Variants in CCDC7 observed in about 807,000 individuals in gnomAD.
The protein encoded by CCDC7 is coiled-coil domain-containing protein 7.
Under a neutral mutation model 196.9 loss-of-function variants are expected in CCDC7, and 183 were observed. The observed-to-expected ratio is 0.93, with a 90% confidence interval of 0.82 to 1.05. The LOEUF (loss-of-function observed/expected upper bound fraction) is 1.05. Among genes scored for constraint, CCDC7 ranks in the 50% least tolerant of loss-of-function variants. CCDC7 has a pLI of 0.00. For missense variants in CCDC7, 1,540 were observed against 1,482.2 expected, an observed-to-expected ratio of 1.04 and a Z score of -0.64; for synonymous variants, 525 against 484.6, an observed-to-expected ratio of 1.08 and a Z score of -1.10.
chr10:32,504,254 C>T (rs190729491), intron 9 of CCDC7, among the ~76,000 whole-genome samples: 117 of 151,284 alleles, frequency 7.7e-4, no homozygotes, highest in Non-Finnish European at 4.0e-4. Context: ...GTAGCTGAGA[C>T]TACAGGTGCC....
intron 18 of CCDC7, among the ~76,000 whole-genome samples, chr10:32,614,096 T>C (rs1234466787): frequency 6.6e-6 from 1 of 152,176 alleles, no homozygotes; most frequent in Non-Finnish European, 1.5e-5. Flanking sequence ...GTTCCTGTAT[T>C]GGGTGAATAT....
chr10:32,454,214 G>T (rs1399346579), intron 2 of CCDC7, among the ~76,000 whole-genome samples: 1 of 152,160 alleles, frequency 6.6e-6, no homozygotes, highest in Non-Finnish European at 1.5e-5. Context: ...GACTGCAAAG[G>T]AGTACAGTGA....
At chr10:32,444,080 T>C (rs2030468970), upstream of CCDC7, among the ~76,000 whole-genome samples, 2 of 152,216 alleles carry the variant, frequency 1.3e-5, no homozygotes, top group Non-Finnish European at 2.9e-5. Flanking sequence ...TATGCCTTTA[T>C]TTCTTTTTCT....
chr10:32,784,335 G>C (rs921497072), intron 29 of CCDC7, among the ~76,000 whole-genome samples: 2 of 152,024 alleles, frequency 1.3e-5, no homozygotes, highest in African/African-American at 4.8e-5. Context: ...CAGGTATTAA[G>C]CCTGGCATGC....
At chr10:32,751,333 C>G (rs191625085) in intron 28 of CCDC7, among the ~76,000 whole-genome samples, 7 of 151,986 alleles carry the variant, frequency 4.6e-5, no homozygotes, top group African/African-American at 1.7e-4. Context: ...TTATTGAGAT[C>G]AAGCCAGTAC....
At position 32,823,286 on chromosome 10, in the gene CCDC7, C is replaced by T. The variant is rs1026831169; in HGVS notation, c.3182-1232C>T. On this transcript the variant is annotated intron_variant, in intron 31 of 41. Transcript: ENST00000639629. ...GCCTCCTAAGTAGCTGGGACTAAGG[C>T]GCACGCCACCACGCCCTGCTAATTT... 9.9e-5 allele frequency among the ~76,000 whole-genome samples: 15 copies of T among 152,016 alleles called. No homozygotes were observed. In the East Asian group the frequency reaches 2.1e-3, roughly 22 times the overall value.
At chr10:32,784,169 T>G (rs970582247) in intron 29 of CCDC7, among the ~76,000 whole-genome samples, 2 of 152,206 alleles carry the variant, frequency 1.3e-5, no homozygotes, top group Admixed American at 1.3e-4. Flanking sequence ...ACAATAAAAA[T>G]GAAGGTATTC....
At chr10:32,639,465 T>A (rs994636584) in intron 20 of CCDC7, among the ~76,000 whole-genome samples, 1 of 152,226 alleles carries the variant, frequency 6.6e-6, no homozygotes, top group Non-Finnish European at 1.5e-5. Context: ...AAGAACATCT[T>A]TAATTTTGGC....
upstream of CCDC7, among the ~76,000 whole-genome samples, chr10:32,445,334 T>C (rs1056502120): frequency 6.6e-6 from 1 of 152,196 alleles, no homozygotes; most frequent in African/African-American, 2.4e-5. Flanking sequence ...TTGTGAGGCA[T>C]TCAGATTTTA....
intron 28 of CCDC7, among the ~76,000 whole-genome samples, chr10:32,755,941 C>T (rs183820296): frequency 4.5e-4 from 69 of 152,044 alleles, no homozygotes; most frequent in Non-Finnish European, 7.4e-4. Flanking sequence ...AACCATGGCA[C>T]GAGAACTATG....
intron 37 of CCDC7, among the ~76,000 whole-genome samples, chr10:32,847,549 T>C (rs535806932): frequency 6.6e-6 from 1 of 151,938 alleles, no homozygotes; most frequent in East Asian, 1.9e-4. Flanking sequence ...ACCCTATCTC[T>C]ACAAAAAATA....
chr10:32,805,835 T>C (rs2085717261), intron 30 of CCDC7, among the ~76,000 whole-genome samples: 1 of 152,190 alleles, frequency 6.6e-6, no homozygotes, highest in South Asian at 2.1e-4. Context: ...TATAAAGGAA[T>C]ACCTGAGACT....
At chr10:32,597,772 G>A (rs918492287) in intron 18 of CCDC7, among the ~76,000 whole-genome samples, 2 of 152,194 alleles carry the variant, frequency 1.3e-5, no homozygotes, top group African/African-American at 2.4e-5. Flanking sequence ...GTCTCTTGGG[G>A]TGTGCTGGCG....
intron 21 of CCDC7, among the ~76,000 whole-genome samples, chr10:32,671,436 G>A (rs1035536875): frequency 1.3e-5 from 2 of 152,122 alleles, no homozygotes; most frequent in African/African-American, 4.8e-5. Context: ...GCTATACCAT[G>A]TAGGTTTATG....
chr10:32,819,671 T>C (rs1368572075), intron 31 of CCDC7, among the ~76,000 whole-genome samples: 1 of 152,054 alleles, frequency 6.6e-6, no homozygotes, highest in Non-Finnish European at 1.5e-5. Flanking sequence ...AATATGCAAA[T>C]CAATAAACGT....
intron 41 of CCDC7, among the ~76,000 whole-genome samples, chr10:32,869,257 CATTCT>C (rs1423817274): frequency 6.6e-6 from 1 of 152,162 alleles, no homozygotes; most frequent in Non-Finnish European, 1.5e-5. Context: ...CAATGATCGC[CATTCT>C]AACTGGTGTG....
intron 28 of CCDC7, among the ~76,000 whole-genome samples, chr10:32,766,260 A>T (rs1206462031): frequency 2.6e-5 from 4 of 152,054 alleles, no homozygotes; most frequent in African/African-American, 9.7e-5. Flanking sequence ...ACCCAAAAAA[A>T]CAGGTATAAT....
chr10:32,805,521 T>C (rs1230364258), intron 30 of CCDC7, among the ~76,000 whole-genome samples: 1 of 152,212 alleles, frequency 6.6e-6, no homozygotes, highest in East Asian at 1.9e-4. Context: ...CTTTAAAATG[T>C]CAGGCATGGT....
intron 20 of CCDC7, among the ~76,000 whole-genome samples, chr10:32,639,596 G>T (rs2066330016): frequency 1.3e-5 from 2 of 150,796 alleles, no homozygotes; most frequent in Non-Finnish European, 3.0e-5. Flanking sequence ...TTGCACTGTG[G>T]TCTGAGAGAC....
Sources: allele counts gnomAD v4.1 joint callset (sites outside exome capture counted in the v4.1 genomes callset), GRCh38; gene constraint gnomAD v4.1.1; transcripts MANE v1.5; gene names NCBI Gene and HGNC (gene_info 2026-07-23, HGNC 2026-07-21).